PDGFRB: variants seen among roughly 807,000 people sequenced by gnomAD.
PDGFRB encodes the protein platelet-derived growth factor receptor beta.
In PDGFRB, 42 loss-of-function variants were observed where a neutral mutation model predicts 120.2. That is an observed-to-expected ratio of 0.35 (90% CI 0.27 to 0.45). The LOEUF (loss-of-function observed/expected upper bound fraction) is 0.45. PDGFRB is among the 20% of genes least tolerant of loss of function. The pLI is 1.00. For synonymous variants in PDGFRB, 586 were observed against 606.8 expected (o/e 0.97, Z 0.50); for missense variants, 1,149 against 1,476.3 (o/e 0.78, Z 3.63).
In PDGFRB at chr5:150,121,803, G is replaced by C. The variant is rs958300144; in HGVS notation, c.2344+77C>G. Reference sequence around the variant, plus strand: ...GGGCACGAGGCTCCCTTCTTCTCAGGGTTTTTGGCAAGGCTGGGCATGTGA... The same window carrying C: ...GGGCACGAGGCTCCCTTCTTCTCAGCGTTTTTGGCAAGGCTGGGCATGTGA... On this transcript the variant is annotated intron_variant, in intron 16 of 22. Transcript: ENST00000261799. This position sits in a 1 kb window ranked among gnomAD's most constrained non-coding sequence, Gnocchi z 4.1. The C allele has an allele frequency of 6.9e-6, 8 of 1,159,456 alleles. No homozygotes were observed. Among genetic ancestry groups the C allele is most frequent in the Non-Finnish European group, 8.9e-6 (7 of 787,026 alleles). The allele number at this position is 1,159,456 out of a possible 1,614,324, so 71.8% of individuals were successfully genotyped here. A position where few individuals can be genotyped will look rare whatever the true frequency, so the allele number is the denominator to read the frequency against.
At chr5:150,153,192 G>A (rs1027886792) in intron 1 of PDGFRB, among the ~76,000 whole-genome samples, 3 of 152,198 alleles carry the variant, frequency 2.0e-5, no homozygotes, top group Non-Finnish European at 4.4e-5. Flanking sequence ...CCACATGTGT[G>A]GGCAATTATA....
chr5:150,143,132 G>A (rs1375730165), intron 1 of PDGFRB, among the ~76,000 whole-genome samples: 1 of 152,154 alleles, frequency 6.6e-6, no homozygotes, highest in African/African-American at 2.4e-5. Context: ...ACTCCTGGGC[G>A]GGACAGACAG....
At chr5:150,134,526 A>G (rs1197556412) in intron 4 of PDGFRB, among the ~76,000 whole-genome samples, 1 of 152,246 alleles carries the variant, frequency 6.6e-6, no homozygotes, top group African/African-American at 2.4e-5. Context: ...TGCACAGGCC[A>G]GCTCTGCCAC....
chr5:150,154,745 G>GC lies in PDGFRB; in HGVS notation c.-7+651dup, dbSNP rs544327575. Among the ~76,000 whole-genome samples the GC allele has an allele frequency of 1.3e-3, 193 of 152,290 alleles. 7 individuals are homozygous for GC. In the South Asian group the frequency reaches 0.034, roughly 27 times the overall value. The stretch of plus-strand genomic sequence containing the variant: ...TGGCTGACCCCTTCTTCACAGAGGA[G>GC]CCCCCAGATCTGACAGCCAGGTCCC... On this transcript the variant is annotated intron_variant, in intron 1 of 22. Transcript: ENST00000261799.
intron 1 of PDGFRB, among the ~76,000 whole-genome samples, chr5:150,143,140 C>G (rs1477647721): frequency 1.3e-5 from 2 of 152,164 alleles, no homozygotes; most frequent in African/African-American, 4.8e-5. Context: ...GCGGGACAGA[C>G]AGGACAGTGC....
At chr5:150,133,843 C>T (rs769728190) in intron 5 of PDGFRB, 38 bp downstream of exon 5, 1 of 1,613,568 alleles carries the variant, frequency 6.2e-7, no homozygotes, top group East Asian at 2.2e-5. Context: ...CCACCCGTTC[C>T]TGGCCCCTCC....
Position 150,125,509 on chromosome 5 carries a change from G to A in PDGFRB, c.1743C>T (p.Tyr581=), listed in dbSNP as rs776224409. ...SVSSDGHEYI[Y]VDPMQLPYDS... ...CATAGGGCAGCTGCATGGGGTCCAC[G>A]TAGATGTACTCATGGCCGTCAGAGC... is the stretch of plus-strand genomic sequence containing the variant. The change falls in exon 12 of 23, where the codon TAC becomes TAT. Residue 581 remains tyrosine (Y), a synonymous_variant. Transcript: ENST00000261799. 2.5e-5 allele frequency: 41 copies of A among 1,613,576 alleles called. No individual in the cohort carries two copies. The highest frequency in any genetic ancestry group is 2.1e-4 in the South Asian group (19 of 91,064).
chr5:150,121,331 GA>G lies in PDGFRB; in HGVS notation c.2345-10del. 8.3e-7 allele frequency: 1 copy of G among 1,208,606 alleles called. No homozygotes were observed. The highest frequency in any genetic ancestry group is 1.2e-6 in the Non-Finnish European group (1 of 809,394). The allele number at this position is 1,208,606 out of a possible 1,614,324, so 74.9% of individuals were successfully genotyped here. ...GCAGGTCCTCTCAGGGGCTAGAGGA[GA>G]AGCAGAGGGTCACCTGCTATCTTAT... is the stretch of plus-strand genomic sequence containing the variant. On this transcript the variant is annotated splice_polypyrimidine_tract_variant and intron_variant, in intron 16 of 22. Coordinates refer to ENST00000261799, the MANE Select transcript of PDGFRB (RefSeq NM_002609.4). The surrounding 1 kb of genome is among the most constrained non-coding windows in gnomAD (Gnocchi z 4.1).
chr5:150,124,073 T>G, intron 14 of PDGFRB, 177 bp downstream of exon 14: 2 of 431,294 alleles, frequency 4.6e-6, no homozygotes, highest in South Asian at 7.3e-5. Context: ...GTTGTGATTT[T>G]GTGAGTTTCT....
rs774277481 is a variant in PDGFRB at position 150,134,059 on chromosome 5, G to T, written c.632-51C>A. On this transcript the variant is annotated intron_variant, in intron 4 of 22. Transcript: ENST00000261799. ...CTGGGGAAGTCACCACCAGCCACTA[G>T]CACTTCAGCTTGGGGATAGGGTAGG... 46 of 1,585,110 alleles carry T rather than the reference G, an allele frequency of 2.9e-5. 1 individual carries two copies. Among genetic ancestry groups the T allele is most frequent in the Non-Finnish European group, 4.0e-5 (46 of 1,154,954 alleles).
At position 150,114,769 on chromosome 5, in the gene PDGFRB, T is replaced by G; in HGVS notation, c.*994A>C. The G allele has an allele frequency of 4.3e-6, 1 of 233,630 alleles. No homozygotes were observed. 14.5% of individuals were successfully genotyped at this position (233,630 alleles called of 1,614,324 possible). A position where few individuals can be genotyped will look rare whatever the true frequency, so the allele number is the denominator to read the frequency against. On this transcript the variant is annotated 3_prime_UTR_variant, in exon 23 of 23. Transcript: ENST00000261799. ...AACCACCTGGAATACTCTAGAATGT[T>G]AGTGCTGGCAAGGCACTCAGAGTTA...
In PDGFRB at chr5:150,129,782, C is replaced by A. The variant is rs371192118; in HGVS notation, c.1554G>T (p.Thr518=). 30 of 1,613,650 alleles carry A rather than the reference C, an allele frequency of 1.9e-5. 4 individuals carry two copies. The Admixed American group carries it at 2.5e-4, about 13-fold the overall frequency. The change falls in exon 10 of 23, where the codon ACG becomes ACT. Residue 518 remains threonine (T), a synonymous_variant. Transcript: ENST00000261799. ...AGTGTGGCACCACGATGACCTCCTGCGTGTCCTGGCCCACAGCGTTGCGCA... is the reference window on the plus strand; with the variant it reads ...AGTGTGGCACCACGATGACCTCCTGAGTGTCCTGGCCCACAGCGTTGCGCA... ...CTLRNAVGQD[T]QEVIVVPHSL...
At chr5:150,131,930 G>A (rs369469518) in intron 8 of PDGFRB, 49 bp downstream of exon 8, 12 of 972,706 alleles carry the variant, frequency 1.2e-5, no homozygotes, top group Non-Finnish European at 1.8e-5. Flanking sequence ...GAGGGAACGG[G>A]GGCAGGGAGG....
At chr5:150,131,946 G>A (rs1217716304) in intron 8 of PDGFRB, 33 bp downstream of exon 8, 3 of 1,115,276 alleles carry the variant, frequency 2.7e-6, no homozygotes, top group Admixed American at 3.4e-5. Flanking sequence ...GGAGGGGAAG[G>A]AGCAGGGACA....
At chr5:150,118,705 C>G in intron 21 of PDGFRB, 42 bp downstream of exon 21, 1 of 1,216,984 alleles carries the variant, frequency 8.2e-7, no homozygotes, top group East Asian at 2.3e-5. Context: ...GACTTCTGCA[C>G]CAGAGCTCTC....
chr5:150,152,365 T>C (rs749156200), intron 1 of PDGFRB, among the ~76,000 whole-genome samples: 1 of 152,190 alleles, frequency 6.6e-6, no homozygotes, highest in African/African-American at 2.4e-5. Flanking sequence ...GTTCCTGTTA[T>C]ATCATCATGC....
chr5:150,117,863 C>A lies in PDGFRB; in HGVS notation c.2905-13G>T, dbSNP rs1379841859. The A allele has an allele frequency of 5.3e-6, 8 of 1,501,752 alleles. No individual in the cohort carries two copies. The highest frequency in any genetic ancestry group is 7.4e-6 in the Non-Finnish European group (8 of 1,085,170). 93.0% of individuals were successfully genotyped at this position (1,501,752 alleles called of 1,614,324 possible). A position where few individuals can be genotyped will look rare whatever the true frequency, so the allele number is the denominator to read the frequency against. On this transcript the variant is annotated splice_polypyrimidine_tract_variant and intron_variant, in intron 21 of 22. Transcript: ENST00000261799. ...CCTGCTGGTACTTCTGCTCCCGGGG[C>A]AGGGAGAACCAAAGAAACAGGGATG...
At position 150,120,532 on chromosome 5, in the gene PDGFRB, C is replaced by A. The variant is rs996196068; in HGVS notation, c.2586+356G>T. ...GCAGGATGATCACGTTTTAACCAGA[C>A]CAATCCCTGCTACTGCATGTGACCT... is the stretch of plus-strand genomic sequence containing the variant. On this transcript the variant is annotated intron_variant, in intron 18 of 22. Coordinates refer to ENST00000261799, the MANE Select transcript of PDGFRB (RefSeq NM_002609.4). The surrounding 1 kb of genome is among the most constrained non-coding windows in gnomAD (Gnocchi z 4.3). Among the ~76,000 whole-genome samples, 3 of 152,162 alleles carry A rather than the reference C, an allele frequency of 2.0e-5. No individual in the cohort carries two copies. Among genetic ancestry groups the A allele is most frequent in the Admixed American group, 6.5e-5 (1 of 15,282 alleles).
intron 1 of PDGFRB, among the ~76,000 whole-genome samples, chr5:150,144,333 G>T (rs17652176): frequency 6.6e-6 from 1 of 152,096 alleles, no homozygotes; most frequent in Non-Finnish European, 1.5e-5. Context: ...AGAATCTTCC[G>T]GCCCGGCCCT....
Sources: allele counts gnomAD v4.1 joint callset (sites outside exome capture counted in the v4.1 genomes callset), GRCh38; gene constraint gnomAD v4.1.1; non-coding constraint Gnocchi (gnomAD v3.1); transcripts MANE v1.5; gene names NCBI Gene and HGNC (gene_info 2026-07-23, HGNC 2026-07-21).